The following SMARCA5 variants were observed in gnomAD, a reference collection of about 807,000 sequenced individuals.
The protein encoded by SMARCA5 is SWI/SNF-related matrix-associated actin-dependent regulator of chromatin subfamily A member 5.
In SMARCA5, 18 loss-of-function variants were observed where a neutral mutation model predicts 140.4. The observed-to-expected ratio is 0.13, with a 90% CI of 0.09 to 0.19. The LOEUF (loss-of-function observed/expected upper bound fraction) is 0.19. SMARCA5 is among the 10% of genes least tolerant of loss of function. The pLI, the probability that SMARCA5 is intolerant of heterozygous loss-of-function variation, is 1.00. For missense variants in SMARCA5, 606 were observed against 1,276.8 expected (o/e 0.47, Z 8.01); for synonymous variants, 449 against 419.6 (o/e 1.07, Z -0.86).
intron 13 of SMARCA5, among the ~76,000 whole-genome samples, chr4:143,539,742 GT>G (rs1351761429): frequency 6.6e-6 from 1 of 151,976 alleles, no homozygotes; most frequent in Non-Finnish European, 1.5e-5. Context: ...CACCATGTTG[GT>G]CAGGCTGGTC....
chr4:143,519,233 C>A (rs1161744040), intron 2 of SMARCA5, among the ~76,000 whole-genome samples: 1 of 152,062 alleles, frequency 6.6e-6, no homozygotes, highest in Non-Finnish European at 1.5e-5. Flanking sequence ...ACTTAGCATA[C>A]CTTAGTGTTA....
At chr4:143,533,498 C>CTTTTTTTTTT (rs10580434) in intron 9 of SMARCA5, among the ~76,000 whole-genome samples, 12 of 127,548 alleles carry the variant, frequency 9.4e-5, no homozygotes, top group African/African-American at 3.6e-4. Flanking sequence ...CTTGTCCATT[C>CTTTTTTTTTT]TTTTTTTTTT....
intron 21 of SMARCA5, 78 bp from the exon 22 acceptor site, chr4:143,547,850 A>G (rs1445091627): frequency 1.2e-6 from 1 of 834,618 alleles, no homozygotes; most frequent in Non-Finnish European, 1.8e-6. Context: ...CATTTTAGCT[A>G]ATTATACTAA....
At chr4:143,549,736 T>C (rs767435949) in intron 22 of SMARCA5, among the ~76,000 whole-genome samples, 5 of 152,146 alleles carry the variant, frequency 3.3e-5, no homozygotes, top group Non-Finnish European at 5.9e-5. Context: ...TTTTATTGCT[T>C]TAATTCCTAA....
chr4:143,521,325 T>C (rs1272303985), intron 2 of SMARCA5, 104 bp from the exon 3 acceptor site: 1 of 669,772 alleles, frequency 1.5e-6, no homozygotes, highest in Non-Finnish European at 2.4e-6. Context: ...GTAGTTCTCT[T>C]TTTTTTTTTG....
chr4:143,519,739 A>G (rs1736917905), intron 2 of SMARCA5, among the ~76,000 whole-genome samples: 1 of 152,196 alleles, frequency 6.6e-6, no homozygotes, highest in Non-Finnish European at 1.5e-5. Flanking sequence ...TCAGAAAACT[A>G]AATACTAGTG....
intron 13 of SMARCA5, among the ~76,000 whole-genome samples, 158 bp downstream of exon 13, chr4:143,539,096 A>T (rs1355560166): frequency 6.6e-6 from 1 of 152,164 alleles, no homozygotes. Context: ...CCATCTAAAT[A>T]AGGGTATTTC....
Position 143,538,810 on chromosome 4 carries a change from C to A in SMARCA5, c.1642C>A (p.Pro548Thr), listed in dbSNP as rs1008228434. 1 of 1,613,866 alleles carries A rather than the reference C, an allele frequency of 6.2e-7. No homozygotes were observed. Among genetic ancestry groups the A allele is most frequent in the African/African-American group, 1.3e-5 (1 of 74,878 alleles). Residue 548 changes from proline (P) to threonine (T), a missense_variant, in exon 13 of 24, where the codon CCA (proline) becomes ACA (threonine). Around this residue, in one of 10 missense-constraint regions of SMARCA5, gnomAD observed 68 missense variants for 126.9 expected, o/e 0.54. Transcript: ENST00000283131. ...GGACTCCATCAATGCATACAATGAA[C>A]CAAACAGCACAAAGTTTGTTTTCAT... The part of the protein sequence containing the change: ...RQDSINAYNE[P>T]NSTKFVFMLS...
intron 9 of SMARCA5, 134 bp downstream of exon 9, chr4:143,530,660 A>T: frequency 1.7e-6 from 1 of 582,094 alleles, no homozygotes. Context: ...TCTGACACTT[A>T]ACTCTTACAT....
rs1736863144 is a variant in SMARCA5 at position 143,517,406 on chromosome 4, G to T, written c.229G>T (p.Asp77Tyr). Residue 77 changes from aspartate (D) to tyrosine (Y), a missense_variant, in exon 2 of 24, where the codon GAT becomes TAT. Coordinates refer to ENST00000283131, the MANE Select transcript of SMARCA5 (RefSeq NM_003601.4). ...PGKQKEIQEPDPTYEEKMQTD... is the reference protein window; with the variant it reads ...PGKQKEIQEPYPTYEEKMQTD... ...AAAGCAAAAGGAAATCCAAGAACCA[G>T]ATCCTACCTATGAAGAAAAAATGGT... 2 of 1,609,986 alleles carry T rather than the reference G, an allele frequency of 1.2e-6. No homozygotes were observed. Among genetic ancestry groups the T allele is most frequent in the South Asian group, 1.1e-5 (1 of 90,440 alleles).
chr4:143,533,617 C>T (rs141420456), intron 9 of SMARCA5, among the ~76,000 whole-genome samples: 2,911 of 150,926 alleles, frequency 0.019, 100 homozygotes, highest in African/African-American at 0.063. Context: ...ACACCATTCT[C>T]CTGTCTCAGC....
chr4:143,532,682 AC>A (rs1737215272), intron 9 of SMARCA5, among the ~76,000 whole-genome samples: 1 of 145,650 alleles, frequency 6.9e-6, no homozygotes, highest in Non-Finnish European at 1.5e-5. Flanking sequence ...TATTCCCTCC[AC>A]CCCCCAAAAA....
At chr4:143,533,528 G>A (rs1737242498) in intron 9 of SMARCA5, among the ~76,000 whole-genome samples, 1 of 104,142 alleles carries the variant, frequency 9.6e-6, no homozygotes, top group Admixed American at 1.2e-4. Flanking sequence ...TTTTTTTTGA[G>A]ATGGAGTCTA....
Position 143,546,938 on chromosome 4 carries a change from T to G in SMARCA5, c.2653+30T>G, listed in dbSNP as rs559080924. The G allele has an allele frequency of 3.1e-6, 5 of 1,605,752 alleles. No individual in the cohort carries two copies. The African/African-American group carries it at 5.4e-5, about 17-fold the overall frequency. ...TTCTTTTAAGCAGGCTGTTGGAGTT[T>G]AGTAAGAGCTGTTGGAAGGTTCTTG... is the stretch of plus-strand genomic sequence containing the variant. On this transcript the variant is annotated intron_variant, in intron 20 of 23. Transcript: ENST00000283131.
intron 11 of SMARCA5, 99 bp downstream of exon 11, chr4:143,536,777 A>C (rs1441147798): frequency 2.5e-6 from 2 of 808,624 alleles, no homozygotes; most frequent in African/African-American, 3.4e-5. Flanking sequence ...GATGCTTTCC[A>C]AGGTTGACGT....
rs1737567169 is a variant in SMARCA5, at chr4:143,548,059, T to C, written c.2904T>C (p.Asn968=). The change falls in exon 22 of 24, where the codon AAT becomes AAC. Residue 968 remains asparagine (N), a synonymous_variant. Transcript: ENST00000283131. ...ACAAACTTGGATTTGACAAAGAAAA[T>C]GTTTATGATGAATTGCGACAGTGTA... is the stretch of plus-strand genomic sequence containing the variant. ...MLHKLGFDKE[N]VYDELRQCIR... 1 of 1,612,752 alleles carries C rather than the reference T, an allele frequency of 6.2e-7. No individual in the cohort carries two copies. Among genetic ancestry groups the C allele is most frequent in the South Asian group, 1.1e-5 (1 of 91,034 alleles).
intron 6 of SMARCA5, among the ~76,000 whole-genome samples, chr4:143,527,598 G>A (rs1428440763): frequency 1.3e-5 from 2 of 152,158 alleles, no homozygotes; most frequent in East Asian, 3.9e-4. Flanking sequence ...CGATCTAGTG[G>A]AATTGCAGAA....
intron 1 of SMARCA5, 87 bp from the exon 2 acceptor site, chr4:143,517,268 A>C: frequency 1.2e-6 from 1 of 846,762 alleles, no homozygotes; most frequent in Non-Finnish European, 1.8e-6. Context: ...TGTATTATTT[A>C]AGATGTGTTT....
chr4:143,539,026 C>G, intron 13 of SMARCA5, 88 bp downstream of exon 13: 1 of 1,149,480 alleles, frequency 8.7e-7, no homozygotes, highest in Non-Finnish European at 1.2e-6. Flanking sequence ...TGACTTAACC[C>G]AATAGAATTT....
Sources: gnomAD v4.1 joint callset for allele counts (sites outside exome capture counted in the v4.1 genomes callset) on GRCh38, gnomAD v4.1.1 for gene constraint, gnomAD v4.1.1 regional missense constraint, MANE v1.5 for transcripts, NCBI Gene and HGNC (gene_info 2026-07-23, HGNC 2026-07-21) for gene names.